The following SOX6 variants were observed in gnomAD, a reference collection of about 807,000 sequenced individuals.
SOX6 encodes transcription factor SOX-6.
Under a neutral mutation model 97.8 loss-of-function variants are expected in SOX6, and 11 were observed. The observed-to-expected ratio is 0.11, with a 90% CI of 0.07 to 0.19. The LOEUF is 0.19. Among genes scored for constraint, SOX6 ranks in the 10% least tolerant of loss-of-function variants. SOX6 has a pLI of 1.00. For missense variants in SOX6, 810 were observed against 1,039.5 expected (o/e 0.78, Z 3.04); for synonymous variants, 360 against 371.4 (o/e 0.97, Z 0.35).
chr11:16,089,943 A>T (rs1848647794), intron 9 of SOX6, among the ~76,000 whole-genome samples: 1 of 152,130 alleles, frequency 6.6e-6, no homozygotes, highest in Non-Finnish European at 1.5e-5. Context: ...AAACTTTCTA[A>T]TGTACCCTTA....
At chr11:16,371,658 C>G (rs1003767772) in intron 1 of SOX6, among the ~76,000 whole-genome samples, 5 of 152,064 alleles carry the variant, frequency 3.3e-5, no homozygotes, top group African/African-American at 1.2e-4. Flanking sequence ...AATATGTGTA[C>G]ATAGACACAT....
intron 1 of SOX6, among the ~76,000 whole-genome samples, chr11:16,466,626 GAAAA>G (rs532542109): frequency 7.0e-6 from 1 of 142,022 alleles, no homozygotes; most frequent in Non-Finnish European, 1.5e-5. Context: ...AAAATTACAA[GAAAA>G]AAAAAAACAA....
intron 4 of SOX6, among the ~76,000 whole-genome samples, chr11:16,191,418 G>A (rs756896282): frequency 2.0e-5 from 3 of 152,056 alleles, no homozygotes; most frequent in Non-Finnish European, 4.4e-5. Flanking sequence ...CCATGATTGC[G>A]CCACTGCACT....
At chr11:16,290,618 A>G (rs1285807093) in intron 3 of SOX6, among the ~76,000 whole-genome samples, 1 of 152,104 alleles carries the variant, frequency 6.6e-6, no homozygotes, top group African/African-American at 2.4e-5. Flanking sequence ...CAGACATTCA[A>G]TATGCCAAGT....
At chr11:16,058,930 A>G (rs372734713) in intron 9 of SOX6, among the ~76,000 whole-genome samples, 5 of 152,130 alleles carry the variant, frequency 3.3e-5, no homozygotes, top group African/African-American at 1.2e-4. Context: ...TCTTATGTCT[A>G]TTTTCAACCA....
At chr11:16,333,439 A>G (rs1193217949) in intron 2 of SOX6, among the ~76,000 whole-genome samples, 1 of 152,132 alleles carries the variant, frequency 6.6e-6, no homozygotes, top group Non-Finnish European at 1.5e-5. Flanking sequence ...TAGGCAAGAA[A>G]AAATTTTAAG....
intron 1 of SOX6, among the ~76,000 whole-genome samples, chr11:16,379,663 T>C (rs946381790): frequency 6.6e-6 from 1 of 152,108 alleles, no homozygotes; most frequent in Non-Finnish European, 1.5e-5. Flanking sequence ...AGTAAACTAG[T>C]CAACTTTCCT....
At chr11:16,623,286 G>T (rs569204429) in intron 3 of SOX6, among the ~76,000 whole-genome samples, 1 of 152,162 alleles carries the variant, frequency 6.6e-6, no homozygotes, top group African/African-American at 2.4e-5. Context: ...CTCCCAAAGT[G>T]CTAGGATTAC....
chr11:16,428,661 C>T (rs1435884757), intron 1 of SOX6, among the ~76,000 whole-genome samples: 1 of 152,134 alleles, frequency 6.6e-6, no homozygotes, highest in African/African-American at 2.4e-5. Context: ...TTTCTGAGGG[C>T]TCTGCTCTGT....
intron 3 of SOX6, among the ~76,000 whole-genome samples, chr11:16,702,122 G>A (rs924023508): frequency 6.6e-6 from 1 of 152,080 alleles, no homozygotes; most frequent in African/African-American, 2.4e-5. Context: ...TAGAGTGAAC[G>A]AATTTTTATT....
At chr11:16,165,761 G>C (rs1160024800) in intron 6 of SOX6, among the ~76,000 whole-genome samples, 1 of 152,052 alleles carries the variant, frequency 6.6e-6, no homozygotes, top group Non-Finnish European at 1.5e-5. Flanking sequence ...AGCCAGGCAT[G>C]GTGGCATGTG....
chr11:16,537,687 T>C (rs1206256547), intron 4 of SOX6, among the ~76,000 whole-genome samples: 1 of 152,098 alleles, frequency 6.6e-6, no homozygotes, highest in African/African-American at 2.4e-5. Context: ...ATACACAAGC[T>C]TCAATAGCCG....
intron 3 of SOX6, among the ~76,000 whole-genome samples, chr11:16,272,428 C>T (rs1854285161): frequency 6.6e-6 from 1 of 151,598 alleles, no homozygotes; most frequent in Non-Finnish European, 1.5e-5. Flanking sequence ...GCCCACCTAG[C>T]CAAAATTTGA....
chr11:16,639,689 T>A (rs1263970934), intron 3 of SOX6, among the ~76,000 whole-genome samples: 4 of 152,098 alleles, frequency 2.6e-5, no homozygotes, highest in East Asian at 1.9e-4. Context: ...TGTGAATGGG[T>A]GTTCACTCAT....
At chr11:16,345,583 A>G (rs1856755029) in intron 1 of SOX6, among the ~76,000 whole-genome samples, 1 of 152,052 alleles carries the variant, frequency 6.6e-6, no homozygotes, top group South Asian at 2.1e-4. Context: ...GCCTACTACA[A>G]ACTTACTCAG....
chr11:16,234,737 G>A (rs1056602756), intron 3 of SOX6, 66 bp from the exon 4 acceptor site: 1 of 957,612 alleles, frequency 1.0e-6, no homozygotes, highest in South Asian at 1.7e-5. Flanking sequence ...GTCAGTTTAT[G>A]GGGAAATTCT....
intron 6 of SOX6, among the ~76,000 whole-genome samples, chr11:16,160,800 G>A (rs1850730207): frequency 1.3e-5 from 2 of 152,148 alleles, no homozygotes; most frequent in South Asian, 2.1e-4. Flanking sequence ...TTCTGACCAT[G>A]AATGACTTTA....
intron 7 of SOX6, among the ~76,000 whole-genome samples, chr11:16,107,099 G>A (rs1306767510): frequency 2.0e-5 from 3 of 151,950 alleles, no homozygotes; most frequent in Non-Finnish European, 4.4e-5. Context: ...ACAAGTGTTA[G>A]CAACAATGTG....
At chr11:16,227,792 T>C (rs1484165068) in intron 4 of SOX6, among the ~76,000 whole-genome samples, 1 of 152,212 alleles carries the variant, frequency 6.6e-6, no homozygotes, top group Non-Finnish European at 1.5e-5. Context: ...AAATAATATG[T>C]ATTAGGCCAA....
Sources: allele counts gnomAD v4.1 joint callset (sites outside exome capture counted in the v4.1 genomes callset), GRCh38; gene constraint gnomAD v4.1.1; transcripts MANE v1.5; gene names NCBI Gene and HGNC (gene_info 2026-07-23, HGNC 2026-07-21).